Variants in HIBCH observed in about 807,000 individuals in gnomAD.
HIBCH encodes 3-hydroxyisobutyryl-CoA hydrolase, also known as 3-hydroxyisobutyryl-CoA hydrolase, mitochondrial.
In HIBCH, 50 loss-of-function variants were observed where a neutral mutation model predicts 58.2. The ratio of observed to expected loss-of-function variants is 0.86; its 90% confidence interval spans 0.68 to 1.09. The LOEUF (loss-of-function observed/expected upper bound fraction) is 1.09, where lower values mean the gene tolerates loss of function less well. Among genes scored for constraint, HIBCH ranks in the 50% least tolerant of loss-of-function variants. HIBCH has a pLI of 0.00. For missense variants in HIBCH, 450 were observed against 449.7 expected, an observed-to-expected ratio of 1.00 and a Z score of -0.01; for synonymous variants, 151 against 146.9, an observed-to-expected ratio of 1.03 and a Z score of -0.20.
chr2:190,219,225 C>T (rs1685647914), intron 11 of HIBCH, among the ~76,000 whole-genome samples: 1 of 151,550 alleles, frequency 6.6e-6, no homozygotes, highest in African/African-American at 2.4e-5. Flanking sequence ...TAAAGGAGGA[C>T]CTAATAAATT....
rs184848290 is a variant in HIBCH at position 190,267,361 on chromosome 2, T to C, written c.439-6127A>G. Among the ~76,000 whole-genome samples the C allele has an allele frequency of 7.2e-5, 11 of 152,206 alleles. 1 individual carries two copies. Among genetic ancestry groups the C allele is most frequent in the Admixed American group, 4.6e-4 (7 of 15,286 alleles). The stretch of plus-strand genomic sequence containing the variant: ...CTGGGATTACAGGCGCATGCCCTGC[T>C]AATTTTTGTATTTTTAGTAGAGACG... On this transcript the variant is annotated intron_variant, in intron 6 of 13. Transcript: ENST00000359678.
downstream of HIBCH, chr2:190,200,968 A>ACTATCTCAGAGGTACAGAGGGCT (rs1553491932): frequency 6.0e-6 from 1 of 167,058 alleles, no homozygotes; most frequent in Non-Finnish European, 1.5e-5. Flanking sequence ...ATTAAGCTTT[A>ACTATCTCAGAGGTACAGAGGGCT]CTATCTCAGA....
At chr2:190,312,656 T>C (rs951400743) in intron 1 of HIBCH, among the ~76,000 whole-genome samples, 2 of 152,224 alleles carry the variant, frequency 1.3e-5, no homozygotes, top group African/African-American at 4.8e-5. Context: ...TTATATTACA[T>C]TCAAATTGAA....
intron 8 of HIBCH, chr2:190,250,197 T>C (rs1228118855): frequency 2.9e-6 from 1 of 349,524 alleles, no homozygotes; most frequent in Non-Finnish European, 5.7e-6. Context: ...AATGCTTTCT[T>C]GCCCCTGTGA....
At chr2:190,244,126 G>A (rs968005816) in intron 11 of HIBCH, among the ~76,000 whole-genome samples, 6 of 146,650 alleles carry the variant, frequency 4.1e-5, no homozygotes, top group African/African-American at 1.6e-4. Flanking sequence ...ATGATGTGGA[G>A]CCTAATATAT....
At position 190,228,728 on chromosome 2, in the gene HIBCH, C is replaced by T. The variant is rs1271862906; in HGVS notation, c.892-15653G>A. On this transcript the variant is annotated intron_variant, in intron 11 of 13. Transcript: ENST00000359678. ...AAGTGGCTCAACCCATTTATCTGACCCTTTAAAGATTTGTTTAAAGATTAG... is the reference window on the plus strand; with the variant it reads ...AAGTGGCTCAACCCATTTATCTGACTCTTTAAAGATTTGTTTAAAGATTAG... Among the ~76,000 whole-genome samples, 63 of 152,010 alleles carry T rather than the reference C, an allele frequency of 4.1e-4. 1 individual carries two copies. The highest frequency in any genetic ancestry group is 4.1e-3 in the Admixed American group (63 of 15,270).
intron 13 of HIBCH, among the ~76,000 whole-genome samples, chr2:190,208,253 T>C (rs552755270): frequency 3.9e-5 from 6 of 152,282 alleles, no homozygotes; most frequent in African/African-American, 1.4e-4. Flanking sequence ...AGGTGGAAAG[T>C]AGGGTTAGAC....
Position 190,294,636 on chromosome 2 carries a change from C to A in HIBCH, c.220-6G>T. On this transcript the variant is annotated splice_region_variant and splice_polypyrimidine_tract_variant and intron_variant, in intron 3 of 13. Coordinates refer to ENST00000359678, the MANE Select transcript of HIBCH (RefSeq NM_014362.4). ...TCAGGATCTTGTTCCCACTTCTATT[C>A]AAATGTAACAGAAGATGGTATAAGC... The A allele has an allele frequency of 6.3e-7, 1 of 1,581,492 alleles. No individual in the cohort carries two copies. Among genetic ancestry groups the A allele is most frequent in the Non-Finnish European group, 8.7e-7 (1 of 1,151,204 alleles).
At chr2:190,284,646 T>TTGTGTAACAGAGAAATCTGAAGAAA (rs1687787019) in intron 6 of HIBCH, among the ~76,000 whole-genome samples, 1 of 152,214 alleles carries the variant, frequency 6.6e-6, no homozygotes, top group Non-Finnish European at 1.5e-5. Flanking sequence ...ACCCATTGAC[T>TTGTGTAACAGAGAAATCTGAAGAAA]TCTGTCACAT....
In HIBCH at chr2:190,304,964, A is replaced by G. The variant is rs1256275714; in HGVS notation, c.78+5790T>C. Among the ~76,000 whole-genome samples the G allele has an allele frequency of 2.4e-5, 2 of 83,388 alleles. No individual in the cohort carries two copies. Among genetic ancestry groups the G allele is most frequent in the Non-Finnish European group, 5.7e-5 (2 of 35,008 alleles). 54.7% of individuals were successfully genotyped at this position (83,388 alleles called of 152,430 possible). ...TGAAGCACAAAAAATCCTGGGTTCT[A>G]GCCTTAAGTCTCTCTAACTGTGTGG... On this transcript the variant is annotated intron_variant, in intron 2 of 13. Transcript: ENST00000359678. The surrounding 1 kb of genome is among the most constrained non-coding windows in gnomAD (Gnocchi z 4.1).
chr2:190,301,759 G>A (rs1447626035), intron 2 of HIBCH, among the ~76,000 whole-genome samples: 2 of 152,194 alleles, frequency 1.3e-5, no homozygotes, highest in African/African-American at 4.8e-5. Context: ...GTTCAAGTTC[G>A]AGATTCAGTG....
At chr2:190,237,673 T>A (rs937031157) in intron 11 of HIBCH, among the ~76,000 whole-genome samples, 2 of 152,166 alleles carry the variant, frequency 1.3e-5, no homozygotes, top group African/African-American at 4.8e-5. Context: ...CACATTTATA[T>A]ATATATTTAT....
chr2:190,194,615 G>GT (rs1353041122), intron 1 of HIBCH, among the ~76,000 whole-genome samples: 1 of 151,926 alleles, frequency 6.6e-6, no homozygotes, highest in Non-Finnish European at 1.5e-5. Context: ...TTTGACAAAT[G>GT]TATGACAGAA....
intron 1 of HIBCH, among the ~76,000 whole-genome samples, chr2:190,313,167 G>C (rs1041453463): frequency 6.6e-6 from 1 of 152,100 alleles, no homozygotes; most frequent in African/African-American, 2.4e-5. Flanking sequence ...GTAACTCTTT[G>C]TTAAGCCCTA....
chr2:190,271,469 T>G (rs964891164), intron 6 of HIBCH, among the ~76,000 whole-genome samples: 7 of 151,826 alleles, frequency 4.6e-5, no homozygotes, highest in Non-Finnish European at 8.8e-5. Flanking sequence ...TTTGTTATTT[T>G]CAGTAGAGAC....
chr2:190,272,227 GTC>G (rs1687419166), intron 6 of HIBCH, among the ~76,000 whole-genome samples: 1 of 152,174 alleles, frequency 6.6e-6, no homozygotes, highest in South Asian at 2.1e-4. Context: ...AGGAAAACAT[GTC>G]TGTTTTGTTC....
In HIBCH at chr2:190,250,507, T is replaced by C. The variant is rs539992526; in HGVS notation, c.664-781A>G. On this transcript the variant is annotated intron_variant, in intron 8 of 13. Transcript: ENST00000359678. ...AGAATGTCTGTCTACTCATTGCAGA[T>C]ACTAGCATTGAACACATTGACAAAG... 5 of 356,854 alleles carry C rather than the reference T, an allele frequency of 1.4e-5. No homozygotes were observed. The Admixed American group carries it at 1.8e-4, about 13-fold the overall frequency. 22.1% of individuals were successfully genotyped at this position (356,854 alleles called of 1,614,324 possible).
At chr2:190,193,924 G>A (rs1689840024) in intron 1 of HIBCH, among the ~76,000 whole-genome samples, 1 of 152,068 alleles carries the variant, frequency 6.6e-6, no homozygotes, top group Admixed American at 6.5e-5. Context: ...AAGCATTTAA[G>A]TATATAAATT....
chr2:190,263,608 C>T (rs1687153626), intron 6 of HIBCH, among the ~76,000 whole-genome samples: 1 of 152,174 alleles, frequency 6.6e-6, no homozygotes, highest in Non-Finnish European at 1.5e-5. Context: ...ATTTCCCCAT[C>T]CCTGATTTCT....
Sources: allele counts gnomAD v4.1 joint callset (sites outside exome capture counted in the v4.1 genomes callset), GRCh38; gene constraint gnomAD v4.1.1; non-coding constraint Gnocchi (gnomAD v3.1); transcripts MANE v1.5; gene names NCBI Gene and HGNC (gene_info 2026-07-23, HGNC 2026-07-21).